Variants in KCNMB2 observed in about 807,000 individuals in gnomAD.
KCNMB2 encodes the protein potassium calcium-activated channel subfamily M regulatory beta subunit 2.
A neutral mutation model predicts 24.5 loss-of-function variants in KCNMB2; 9 were observed. That is an observed-to-expected ratio of 0.37 (90% CI 0.22 to 0.64). The LOEUF (loss-of-function observed/expected upper bound fraction) is 0.64, where lower values mean the gene tolerates loss of function less well. KCNMB2 is among the 30% of genes least tolerant of loss of function. The probability of loss-of-function intolerance (pLI) is 0.63; values close to 1 mark genes in which losing one functional copy is unlikely to be tolerated. For synonymous variants in KCNMB2, 109 were observed against 104.4 expected (o/e 1.04, Z -0.27); for missense variants, 226 against 284.3 (o/e 0.79, Z 1.47).
chr3:178,791,405 A>C (rs1449992318), intron 1 of KCNMB2, among the ~76,000 whole-genome samples: 1 of 152,250 alleles, frequency 6.6e-6, no homozygotes, highest in African/African-American at 2.4e-5. Flanking sequence ...GTGAGCTTGA[A>C]AACAGGCTGT....
intron 1 of KCNMB2, among the ~76,000 whole-genome samples, chr3:178,541,737 C>A (rs1051824232): frequency 1.1e-4 from 16 of 152,078 alleles, no homozygotes; most frequent in African/African-American, 3.4e-4. Flanking sequence ...TGAATCTCAC[C>A]TTTTCTACTT....
At chr3:178,809,218 T>G (rs1714092812) in intron 2 of KCNMB2, among the ~76,000 whole-genome samples, 1 of 152,232 alleles carries the variant, frequency 6.6e-6, no homozygotes, top group Non-Finnish European at 1.5e-5. Flanking sequence ...AGAGTTTTGT[T>G]GCCCTACAGG....
intron 1 of KCNMB2, among the ~76,000 whole-genome samples, chr3:178,672,969 T>C (rs1238898772): frequency 6.6e-6 from 1 of 152,134 alleles, no homozygotes; most frequent in African/African-American, 2.4e-5. Context: ...CCAGTTCATT[T>C]GCTCTTACAC....
intron 1 of KCNMB2, among the ~76,000 whole-genome samples, chr3:178,690,030 C>T (rs550498722): frequency 6.6e-6 from 1 of 152,224 alleles, no homozygotes; most frequent in African/African-American, 2.4e-5. Context: ...TCACTGTATA[C>T]ACAAAATTTT....
At chr3:178,588,354 C>T (rs949133317) in intron 1 of KCNMB2, among the ~76,000 whole-genome samples, 4 of 152,080 alleles carry the variant, frequency 2.6e-5, no homozygotes, top group East Asian at 3.9e-4. Flanking sequence ...GGGAGATTAA[C>T]AATTTTCAGG....
chr3:178,686,986 T>C (rs1428033837), intron 1 of KCNMB2, among the ~76,000 whole-genome samples: 1 of 152,144 alleles, frequency 6.6e-6, no homozygotes, highest in Non-Finnish European at 1.5e-5. Context: ...TATCTCTATA[T>C]TGAATCTATG....
At position 178,770,508 on chromosome 3, in the gene KCNMB2, T is replaced by C. The variant is rs568899305; in HGVS notation, c.-67-36835T>C. 2.6e-5 allele frequency among the ~76,000 whole-genome samples: 4 copies of C among 152,314 alleles called. No individual in the cohort carries two copies. The South Asian group carries it at 8.3e-4, about 32-fold the overall frequency. On this transcript the variant is annotated intron_variant, in intron 1 of 4. Transcript: ENST00000452583. Reference sequence around the variant, plus strand: ...AGGAAACAGACAGGACCTAGCGGTGTTTTCACTTTACTTTTACCTACTTCA... The same window carrying C: ...AGGAAACAGACAGGACCTAGCGGTGCTTTCACTTTACTTTTACCTACTTCA...
At chr3:178,699,663 G>A (rs1376368938) in intron 1 of KCNMB2, among the ~76,000 whole-genome samples, 2 of 152,230 alleles carry the variant, frequency 1.3e-5, no homozygotes, top group South Asian at 2.1e-4. Context: ...CCCGTCTGAT[G>A]TCCAAGACCA....
At chr3:178,551,249 T>C (rs1377374948) in intron 1 of KCNMB2, among the ~76,000 whole-genome samples, 1 of 152,216 alleles carries the variant, frequency 6.6e-6, no homozygotes, top group Admixed American at 6.5e-5. Context: ...TAGTATCTTA[T>C]CCTATTTTGT....
chr3:178,751,573 C>CA (rs61148761), intron 1 of KCNMB2, among the ~76,000 whole-genome samples: 1,434 of 47,710 alleles, frequency 0.03, 392 homozygotes, highest in East Asian at 0.13. Context: ...GACTCCGTCT[C>CA]AAAAAAAAAA....
chr3:178,624,615 A>T (rs1393896560), intron 1 of KCNMB2, among the ~76,000 whole-genome samples: 4 of 146,984 alleles, frequency 2.7e-5, no homozygotes, highest in South Asian at 2.1e-4. Flanking sequence ...TTTTTTTTTA[A>T]AAAAGGCATT....
chr3:178,841,364 A>G (rs561637577), intron 4 of KCNMB2, among the ~76,000 whole-genome samples: 193 of 152,214 alleles, frequency 1.3e-3, no homozygotes, highest in Non-Finnish European at 2.4e-3. Flanking sequence ...GAGTGCTCCA[A>G]ACTGTTCCAA....
intron 1 of KCNMB2, among the ~76,000 whole-genome samples, chr3:178,717,834 T>C (rs1388211134): frequency 6.6e-6 from 1 of 151,234 alleles, no homozygotes; most frequent in Non-Finnish European, 1.5e-5. Flanking sequence ...AGATAAGTTA[T>C]GGGAACTTAG....
chr3:178,757,374 CCAAGAGG>C (rs1724125485), intron 1 of KCNMB2, among the ~76,000 whole-genome samples: 1 of 23,052 alleles, frequency 4.3e-5, no homozygotes, highest in African/African-American at 2.2e-4. Context: ...ATATATATAT[CCAAGAGG>C]ATATATATAT....
chr3:178,822,345 G>C (rs1714664716), intron 2 of KCNMB2, among the ~76,000 whole-genome samples: 2 of 152,140 alleles, frequency 1.3e-5, no homozygotes, highest in African/African-American at 4.8e-5. Flanking sequence ...ATTCAACCCT[G>C]GCTCTCTGTC....
chr3:178,826,301 A>G (rs1451156256), intron 3 of KCNMB2, among the ~76,000 whole-genome samples: 2 of 152,174 alleles, frequency 1.3e-5, no homozygotes. Context: ...ATCAACCCAG[A>G]AGGTCAGATT....
At chr3:178,803,613 G>A (rs1713855787) in intron 1 of KCNMB2, among the ~76,000 whole-genome samples, 1 of 152,322 alleles carries the variant, frequency 6.6e-6, no homozygotes, top group South Asian at 2.1e-4. Context: ...CTGCCCTACA[G>A]ATGCTTATAA....
intron 1 of KCNMB2, among the ~76,000 whole-genome samples, chr3:178,604,575 T>C (rs1276946217): frequency 2.0e-5 from 3 of 152,208 alleles, no homozygotes; most frequent in Non-Finnish European, 4.4e-5. Flanking sequence ...TATGAATATT[T>C]TTAAATGAAC....
At chr3:178,803,736 A>G (rs1198284692) in intron 1 of KCNMB2, among the ~76,000 whole-genome samples, 1 of 152,142 alleles carries the variant, frequency 6.6e-6, no homozygotes, top group African/African-American at 2.4e-5. Flanking sequence ...TATGGGTCAG[A>G]GAAGACCTCA....
Sources: allele counts gnomAD v4.1 joint callset (sites outside exome capture counted in the v4.1 genomes callset), GRCh38; gene constraint gnomAD v4.1.1; transcripts MANE v1.5; gene names NCBI Gene and HGNC (gene_info 2026-07-23, HGNC 2026-07-21).